Variants in CSMD1 observed in about 807,000 individuals in gnomAD.
CSMD1 encodes CUB and Sushi multiple domains 1, also known as CUB and sushi domain-containing protein 1.
A neutral mutation model predicts 417.5 loss-of-function variants in CSMD1; 213 were observed. The observed-to-expected ratio is 0.51, with a 90% CI of 0.46 to 0.57. The LOEUF is 0.57. Ranked by LOEUF, CSMD1 falls within the 20% of genes least tolerant of loss-of-function variation. The pLI, the probability that CSMD1 is intolerant of heterozygous loss-of-function variation, is 0.00. For synonymous variants in CSMD1, 2,862 were observed against 1,736.8 expected (o/e 1.65, Z -16.11); for missense variants, 6,923 against 4,529.7 (o/e 1.53, Z -15.17).
chr8:4,226,238 A>T lies in CSMD1; in HGVS notation c.415+193715T>A, dbSNP rs150780467. Among the ~76,000 whole-genome samples the T allele has an allele frequency of 5.3e-3, 804 of 152,316 alleles. 7 individuals carry two copies. The highest frequency in any genetic ancestry group is 0.018 in the African/African-American group (763 of 41,568). On this transcript the variant is annotated intron_variant, in intron 3 of 69. Coordinates refer to ENST00000635120, the MANE Select transcript of CSMD1 (RefSeq NM_033225.6). The stretch of plus-strand genomic sequence containing the variant: ...CTTGAAAGGATCCCAGCAAAAACAA[A>T]AAGTAAAATAGTGTATTAACACCTT...
intron 3 of CSMD1, among the ~76,000 whole-genome samples, chr8:4,306,619 A>G (rs1033873104): frequency 1.3e-5 from 2 of 152,090 alleles, no homozygotes; most frequent in Non-Finnish European, 2.9e-5. Context: ...GGCCTCTTCA[A>G]TCTCATTCAC....
intron 60 of CSMD1, 68 bp from the exon 61 acceptor site, chr8:2,962,707 G>T (rs1803605019): frequency 6.7e-7 from 1 of 1,482,676 alleles, no homozygotes; most frequent in South Asian, 1.3e-5. Context: ...ATTGAGCTTG[G>T]TAACTAGTTT....
At chr8:4,889,536 G>C (rs1803969374) in intron 1 of CSMD1, among the ~76,000 whole-genome samples, 1 of 152,044 alleles carries the variant, frequency 6.6e-6, no homozygotes, top group East Asian at 1.9e-4. Flanking sequence ...TTGTATGAAA[G>C]GTAGACAACA....
chr8:4,425,657 C>A (rs1458412122), intron 2 of CSMD1, among the ~76,000 whole-genome samples: 1 of 150,026 alleles, frequency 6.7e-6, no homozygotes, highest in Non-Finnish European at 1.5e-5. Context: ...GTCTGCCTCA[C>A]TTTGAGGAAT....
At chr8:3,496,155 G>A (rs866011360) in intron 10 of CSMD1, among the ~76,000 whole-genome samples, 12 of 152,126 alleles carry the variant, frequency 7.9e-5, no homozygotes, top group East Asian at 1.9e-4. Flanking sequence ...GAGAACATGC[G>A]GTGTTTGGTT....
intron 33 of CSMD1, among the ~76,000 whole-genome samples, chr8:3,197,556 C>T (rs963396934): frequency 2.0e-5 from 3 of 151,470 alleles, no homozygotes; most frequent in Non-Finnish European, 4.4e-5. Flanking sequence ...AGCTCCGCCT[C>T]CCGGGTTCAC....
At chr8:4,400,374 T>C (rs1185284874) in intron 3 of CSMD1, among the ~76,000 whole-genome samples, 1 of 152,256 alleles carries the variant, frequency 6.6e-6, no homozygotes, top group African/African-American at 2.4e-5. Context: ...ATGCTTTTCA[T>C]TTATATATCC....
chr8:4,754,747 G>C (rs1013894088), intron 1 of CSMD1, among the ~76,000 whole-genome samples: 11 of 152,070 alleles, frequency 7.2e-5, no homozygotes, highest in African/African-American at 2.4e-4. Flanking sequence ...TACTCAGGAG[G>C]CTGAGGCAGG....
intron 21 of CSMD1, among the ~76,000 whole-genome samples, chr8:3,351,105 T>C (rs1245427686): frequency 1.3e-5 from 2 of 152,198 alleles, no homozygotes; most frequent in African/African-American, 4.8e-5. Flanking sequence ...TAAGTATCTC[T>C]CATAACCTGA....
At chr8:4,644,351 T>G (rs564808761) in intron 1 of CSMD1, among the ~76,000 whole-genome samples, 70 of 152,250 alleles carry the variant, frequency 4.6e-4, no homozygotes, top group Admixed American at 1.7e-3. Context: ...TGCAGTATAC[T>G]CTTTCCAGAC....
intron 7 of CSMD1, among the ~76,000 whole-genome samples, chr8:3,647,494 A>G (rs1315461888): frequency 6.6e-6 from 1 of 152,240 alleles, no homozygotes; most frequent in East Asian, 1.9e-4. Context: ...AATATAGCAC[A>G]GAGAGAAGTA....
chr8:3,677,822 C>T (rs1799454880), intron 7 of CSMD1, among the ~76,000 whole-genome samples: 2 of 152,128 alleles, frequency 1.3e-5, no homozygotes, highest in African/African-American at 2.4e-5. Flanking sequence ...CATAAAACTG[C>T]ATATTTCAAT....
intron 1 of CSMD1, among the ~76,000 whole-genome samples, chr8:4,644,025 G>A (rs1803365817): frequency 6.6e-6 from 1 of 152,176 alleles, no homozygotes; most frequent in Non-Finnish European, 1.5e-5. Flanking sequence ...CTCACTACAT[G>A]AGCAAAGAAG....
At chr8:4,734,055 G>A (rs1585016722) in intron 1 of CSMD1, among the ~76,000 whole-genome samples, 1 of 152,138 alleles carries the variant, frequency 6.6e-6, no homozygotes. Context: ...AACATATTTG[G>A]AGAAACTGAG....
At chr8:4,144,245 G>A (rs1456599355) in intron 3 of CSMD1, among the ~76,000 whole-genome samples, 1 of 150,980 alleles carries the variant, frequency 6.6e-6, no homozygotes, top group Admixed American at 6.6e-5. Flanking sequence ...CTGGCCGTAA[G>A]TTCCCTGCCT....
chr8:3,870,384 T>C (rs1325394430), intron 5 of CSMD1, among the ~76,000 whole-genome samples: 1 of 152,194 alleles, frequency 6.6e-6, no homozygotes, highest in Non-Finnish European at 1.5e-5. Context: ...ATACCTCTTT[T>C]TTCCCCCAGC....
At chr8:3,513,647 G>A (rs1436217301) in intron 10 of CSMD1, among the ~76,000 whole-genome samples, 1 of 152,134 alleles carries the variant, frequency 6.6e-6, no homozygotes, top group African/African-American at 2.4e-5. Context: ...CATCATCTAA[G>A]ACAGTCTACC....
chr8:4,230,496 A>G (rs1801655336), intron 3 of CSMD1, among the ~76,000 whole-genome samples: 1 of 152,200 alleles, frequency 6.6e-6, no homozygotes, highest in African/African-American at 2.4e-5. Context: ...AGTAGATATA[A>G]TGGTTACTGT....
intron 11 of CSMD1, among the ~76,000 whole-genome samples, chr8:3,471,840 T>C (rs1817123182): frequency 6.6e-6 from 1 of 152,226 alleles, no homozygotes; most frequent in Non-Finnish European, 1.5e-5. Flanking sequence ...ACTGTTTTAA[T>C]ATTACACAGT....
Sources: gnomAD v4.1 joint callset for allele counts (sites outside exome capture counted in the v4.1 genomes callset) on GRCh38, gnomAD v4.1.1 for gene constraint, MANE v1.5 for transcripts, NCBI Gene and HGNC (gene_info 2026-07-23, HGNC 2026-07-21) for gene names.